The following DGUOK variants were observed in gnomAD, a reference collection of about 807,000 sequenced individuals.
DGUOK encodes the protein deoxyguanosine kinase, also known as deoxyguanosine kinase, mitochondrial.
A neutral mutation model predicts 36.6 loss-of-function variants in DGUOK; 30 were observed. The observed-to-expected ratio is 0.82, with a 90% CI of 0.61 to 1.11. DGUOK has a LOEUF of 1.11. Among genes scored for constraint, DGUOK ranks in the 50% most tolerant of loss-of-function variants. DGUOK has a pLI of 0.00. For synonymous variants in DGUOK, 145 were observed against 126.3 expected (o/e 1.15, Z -0.99); for missense variants, 361 against 336.4 (o/e 1.07, Z -0.57).
At position 73,927,058 on chromosome 2, in the gene DGUOK, G is replaced by A; in HGVS notation, c.142+6G>A. 1 of 1,607,476 alleles carries A rather than the reference G, an allele frequency of 6.2e-7. No homozygotes were observed. Among genetic ancestry groups the A allele is most frequent in the East Asian group, 2.2e-5 (1 of 44,890 alleles). Reference sequence around the variant, plus strand: ...CTCCATCGAAGGCAACATTGGTAAGGGCCGGAAAGCGGCTGCCAAGCCTTG... The same window carrying A: ...CTCCATCGAAGGCAACATTGGTAAGAGCCGGAAAGCGGCTGCCAAGCCTTG... On this transcript the variant is annotated splice_donor_region_variant and intron_variant, in intron 1 of 6. Transcript: ENST00000264093.
rs1259926103 is a variant in DGUOK at position 73,946,698 on chromosome 2, CT to C, written c.256-14del. On this transcript the variant is annotated intron_variant, in intron 2 of 6. Transcript: ENST00000264093. The stretch of plus-strand genomic sequence containing the variant: ...AATATGCTTTCTAGGAAATTTTCTT[CT>C]TTTTTTCATCTCCCTCTAGGCCTGC... The C allele has an allele frequency of 1.2e-6, 2 of 1,613,392 alleles. No homozygotes were observed. Among genetic ancestry groups the C allele is most frequent in the Middle Eastern group, 1.7e-4 (1 of 5,962 alleles).
At chr2:73,943,243 T>C (rs1238750344) in intron 2 of DGUOK, among the ~76,000 whole-genome samples, 5 of 152,072 alleles carry the variant, frequency 3.3e-5, no homozygotes, top group African/African-American at 1.2e-4. Flanking sequence ...CTTGAAGTCC[T>C]GGACTCAGGT....
At chr2:73,929,548 T>C (rs1008480824) in intron 1 of DGUOK, among the ~76,000 whole-genome samples, 3 of 152,016 alleles carry the variant, frequency 2.0e-5, no homozygotes, top group Non-Finnish European at 4.4e-5. Flanking sequence ...TATGTGTTGA[T>C]GGAAAGGACT....
intron 4 of DGUOK, 146 bp from the exon 5 acceptor site, chr2:73,956,979 G>GGGGGTGGCCGTAT: frequency 2.0e-6 from 1 of 504,078 alleles, no homozygotes; most frequent in Non-Finnish European, 3.7e-6. Flanking sequence ...TCCTCTGATT[G>GGGGGTGGCCGTAT]CATAAGAAAA....
chr2:73,943,681 C>T (rs1205208715), intron 2 of DGUOK, among the ~76,000 whole-genome samples: 2 of 150,002 alleles, frequency 1.3e-5, no homozygotes, highest in African/African-American at 4.9e-5. Flanking sequence ...TGGAGTTTTG[C>T]TCCTGTTGCC....
chr2:73,927,173 C>T (rs572672425), intron 1 of DGUOK, 121 bp downstream of exon 1: 6 of 1,363,680 alleles, frequency 4.4e-6, no homozygotes, highest in Non-Finnish European at 6.0e-6. Flanking sequence ...TTCTGGGCTG[C>T]GAGGAGAGCC....
chr2:73,958,654 A>G (rs1401788250), intron 6 of DGUOK, 56 bp from the exon 7 acceptor site: 1 of 1,487,830 alleles, frequency 6.7e-7, no homozygotes, highest in African/African-American at 1.4e-5. Context: ...GGGGTGGACC[A>G]TTGAAAATTC....
chr2:73,954,725 T>A (rs1248575889), intron 4 of DGUOK, among the ~76,000 whole-genome samples: 1 of 152,146 alleles, frequency 6.6e-6, no homozygotes, highest in East Asian at 1.9e-4. Context: ...AGAGGCATAG[T>A]GAAAAGACCC....
chr2:73,951,743 A>G (rs188653468), intron 4 of DGUOK, among the ~76,000 whole-genome samples: 19 of 152,360 alleles, frequency 1.2e-4, no homozygotes, highest in Admixed American at 7.2e-4. Flanking sequence ...CAACCAGGAA[A>G]AAAGGCCCTT....
intron 1 of DGUOK, among the ~76,000 whole-genome samples, chr2:73,936,479 CTGTT>C (rs750760235): frequency 1.3e-5 from 2 of 152,154 alleles, no homozygotes; most frequent in Non-Finnish European, 2.9e-5. Context: ...CAGATTCATG[CTGTT>C]TGTTCTTATC....
chr2:73,935,525 A>G (rs777479491), intron 1 of DGUOK, among the ~76,000 whole-genome samples: 2 of 152,258 alleles, frequency 1.3e-5, no homozygotes, highest in African/African-American at 2.4e-5. Flanking sequence ...TGAGAAAGTT[A>G]TACTGTGTCT....
intron 3 of DGUOK, 140 bp from the exon 4 acceptor site, chr2:73,950,445 G>T: frequency 1.2e-6 from 1 of 849,826 alleles, no homozygotes; most frequent in Non-Finnish European, 2.0e-6. Context: ...AAGGATTGAT[G>T]AGGAGCTAGA....
At chr2:73,938,859 C>A in intron 1 of DGUOK, 51 bp from the exon 2 acceptor site, 2 of 1,261,700 alleles carry the variant, frequency 1.6e-6, no homozygotes, top group South Asian at 1.2e-5. Context: ...GCAGCCTTCT[C>A]CTTCAGCCCT....
chr2:73,957,573 C>A (rs1170602473), intron 5 of DGUOK, among the ~76,000 whole-genome samples: 1 of 152,112 alleles, frequency 6.6e-6, no homozygotes, highest in African/African-American at 2.4e-5. Context: ...ACTCGGGAGG[C>A]TGAGGCAGGA....
chr2:73,943,514 A>G (rs552412201), intron 2 of DGUOK, among the ~76,000 whole-genome samples: 1 of 152,082 alleles, frequency 6.6e-6, no homozygotes, highest in East Asian at 1.9e-4. Context: ...ATAAATGGAG[A>G]AATTTTGCAT....
chr2:73,934,267 T>G (rs1424288874), intron 1 of DGUOK, among the ~76,000 whole-genome samples: 1 of 152,224 alleles, frequency 6.6e-6, no homozygotes, highest in African/African-American at 2.4e-5. Context: ...TGTCCCAGCT[T>G]GTGGAATGAG....
At chr2:73,949,845 C>T (rs1034581449) in intron 3 of DGUOK, among the ~76,000 whole-genome samples, 8 of 152,122 alleles carry the variant, frequency 5.3e-5, no homozygotes, top group African/African-American at 1.9e-4. Context: ...GCTCTGATTT[C>T]CTGTTTACCA....
chr2:73,948,743 G>C (rs1398443060), intron 3 of DGUOK, among the ~76,000 whole-genome samples: 2 of 152,154 alleles, frequency 1.3e-5, no homozygotes, highest in African/African-American at 4.8e-5. Flanking sequence ...TTAGAGCAGA[G>C]GCCCTGACTC....
chr2:73,939,927 A>C (rs1681776876), intron 2 of DGUOK, among the ~76,000 whole-genome samples: 1 of 136,336 alleles, frequency 7.3e-6, no homozygotes, highest in Admixed American at 7.6e-5. Flanking sequence ...TTTTTTTGAC[A>C]GTCTCATTCT....
Sources: allele counts gnomAD v4.1 joint callset (sites outside exome capture counted in the v4.1 genomes callset), GRCh38; gene constraint gnomAD v4.1.1; transcripts MANE v1.5; gene names NCBI Gene and HGNC (gene_info 2026-07-23, HGNC 2026-07-21).